The following ACTN2 variants were observed in gnomAD, a reference collection of about 807,000 sequenced individuals.
ACTN2 encodes alpha-actinin-2.
In ACTN2, 39 loss-of-function variants were observed where a neutral mutation model predicts 113.8. The observed-to-expected ratio is 0.34, with a 90% confidence interval of 0.27 to 0.45. The LOEUF is 0.45. Among genes scored for constraint, ACTN2 ranks in the 20% least tolerant of loss-of-function variants. The pLI is 1.00. For missense variants in ACTN2, 992 were observed against 1,177.9 expected, an observed-to-expected ratio of 0.84 and a Z score of 2.31; for synonymous variants, 429 against 444.1, an observed-to-expected ratio of 0.97 and a Z score of 0.43.
intron 7 of ACTN2, among the ~76,000 whole-genome samples, chr1:236,734,008 A>G (rs1366152781): frequency 6.6e-6 from 1 of 152,210 alleles, no homozygotes; most frequent in Non-Finnish European, 1.5e-5. Flanking sequence ...GGTGCAGACT[A>G]GGTTTAGAAC....
chr1:236,695,414 G>GAAA (rs58669150), intron 1 of ACTN2, among the ~76,000 whole-genome samples: 1 of 102,960 alleles, frequency 9.7e-6, no homozygotes, highest in East Asian at 2.7e-4. Context: ...TGCTGTGTCT[G>GAAA]AAAAAAAAAA....
chr1:236,748,609 C>A (rs1478155738), intron 13 of ACTN2, among the ~76,000 whole-genome samples: 3 of 152,292 alleles, frequency 2.0e-5, no homozygotes, highest in Non-Finnish European at 4.4e-5. Flanking sequence ...CCCAGAAAGG[C>A]AAGAGGTGAT....
rs976625687 is a variant in ACTN2, at chr1:236,754,947, G to A, written c.1975-72G>A. On this transcript the variant is annotated intron_variant, in intron 16 of 20. Transcript: ENST00000366578. The surrounding 1 kb of genome is among the most constrained non-coding windows in gnomAD (Gnocchi z 4.9). ...CATCCCATGCAGGGTCTGGAACGGC[G>A]CCTCGTGCCGAGCTCCCTTAGAGGG... 25 of 1,590,090 alleles carry A rather than the reference G, an allele frequency of 1.6e-5. 1 individual carries two copies. Among genetic ancestry groups the A allele is most frequent in the East Asian group, 6.7e-5 (3 of 44,766 alleles).
At chr1:236,694,507 G>A (rs540304064) in intron 1 of ACTN2, among the ~76,000 whole-genome samples, 1 of 152,174 alleles carries the variant, frequency 6.6e-6, no homozygotes, top group South Asian at 2.1e-4. Context: ...ACAGGTGTGA[G>A]CCACCACGCC....
intron 6 of ACTN2, among the ~76,000 whole-genome samples, chr1:236,730,665 T>TA (rs1441259808): frequency 6.6e-6 from 1 of 152,236 alleles, no homozygotes; most frequent in Non-Finnish European, 1.5e-5. Flanking sequence ...AAGGTAAATG[T>TA]AATTTTAAGA....
intron 7 of ACTN2, among the ~76,000 whole-genome samples, chr1:236,733,690 C>G (rs1007264851): frequency 2.0e-5 from 3 of 152,202 alleles, no homozygotes; most frequent in African/African-American, 7.2e-5. Context: ...CCTGTATTCC[C>G]ATGCCTTCTA....
intron 17 of ACTN2, 99 bp downstream of exon 17, chr1:236,755,297 T>C: frequency 2.9e-6 from 4 of 1,389,928 alleles, no homozygotes; most frequent in Non-Finnish European, 3.1e-6. Context: ...TTTGTTCCTG[T>C]TAAGACCTAC....
At chr1:236,699,941 T>G (rs1488439679) in intron 1 of ACTN2, among the ~76,000 whole-genome samples, 1 of 152,166 alleles carries the variant, frequency 6.6e-6, no homozygotes, top group Non-Finnish European at 1.5e-5. Flanking sequence ...AACTGTGAAG[T>G]AGGCTAATGA....
intron 6 of ACTN2, among the ~76,000 whole-genome samples, chr1:236,730,484 G>T (rs1658683927): frequency 6.6e-6 from 1 of 152,014 alleles, no homozygotes; most frequent in Non-Finnish European, 1.5e-5. Flanking sequence ...ATTTCATTTT[G>T]ATTTTTCTAT....
At chr1:236,710,124 G>A (rs1282920400) in intron 1 of ACTN2, among the ~76,000 whole-genome samples, 3 of 152,188 alleles carry the variant, frequency 2.0e-5, no homozygotes, top group African/African-American at 7.2e-5. Context: ...TCGGGTCCCC[G>A]TCTGTGTACC....
chr1:236,759,574 G>T, intron 18 of ACTN2, 150 bp from the exon 19 acceptor site: 1 of 711,630 alleles, frequency 1.4e-6, no homozygotes, highest in Non-Finnish European at 2.6e-6. Context: ...TCCTTGTGCT[G>T]GCTCCATCCT....
Position 236,734,627 on chromosome 1 carries a change from T to C in ACTN2, c.698-1008T>C, listed in dbSNP as rs1658812470. ...CCCTCTCCTCCGAGTAAGGAGACTG[T>C]CTGGTTCCCAGGAGGCAGTTGTTTG... On this transcript the variant is annotated intron_variant, in intron 7 of 20. Transcript: ENST00000366578. 7.9e-6 allele frequency: 6 copies of C among 761,542 alleles called. No individual in the cohort carries two copies. The Admixed American group carries it at 1.5e-4, about 19-fold the overall frequency. 47.2% of individuals were successfully genotyped at this position (761,542 alleles called of 1,614,324 possible). A position where few individuals can be genotyped will look rare whatever the true frequency, so the allele number is the denominator to read the frequency against.
chr1:236,686,528 C>A lies in ACTN2; in HGVS notation c.-146C>A. 1 of 949,568 alleles carries A rather than the reference C, an allele frequency of 1.1e-6. No homozygotes were observed. The highest frequency in any genetic ancestry group is 1.4e-6 in the Non-Finnish European group (1 of 724,108). The allele number at this position is 949,568 out of a possible 1,614,324, so 58.8% of individuals were successfully genotyped here. A position where few individuals can be genotyped will look rare whatever the true frequency, so the allele number is the denominator to read the frequency against. On this transcript the variant is annotated 5_prime_UTR_variant, in exon 1 of 21. Transcript: ENST00000366578. ...CTGGTGCTTCGCCCGAGACCCAGCGCCCAGGCGTGTCGCCCCGAGAGGAGC... is the reference window on the plus strand; with the variant it reads ...CTGGTGCTTCGCCCGAGACCCAGCGACCAGGCGTGTCGCCCCGAGAGGAGC...
intron 4 of ACTN2, among the ~76,000 whole-genome samples, chr1:236,723,916 G>A (rs1029058356): frequency 6.6e-6 from 1 of 152,204 alleles, no homozygotes; most frequent in Non-Finnish European, 1.5e-5. Flanking sequence ...GGAATCCTAA[G>A]TTATATAAGT....
chr1:236,710,386 T>C (rs1392844929), intron 1 of ACTN2, among the ~76,000 whole-genome samples: 1 of 152,368 alleles, frequency 6.6e-6, no homozygotes, highest in East Asian at 1.9e-4. Context: ...GTTAAGCACA[T>C]TGTGCTGATT....
At chr1:236,720,237 G>A (rs776226320) in intron 4 of ACTN2, 46 bp downstream of exon 4, 1 of 1,446,590 alleles carries the variant, frequency 6.9e-7, no homozygotes, top group Admixed American at 1.7e-5. Context: ...TGTAAATTGA[G>A]CTTGTGAATT....
At chr1:236,749,076 A>G in intron 13 of ACTN2, 48 bp from the exon 14 acceptor site, 2 of 1,607,766 alleles carry the variant, frequency 1.2e-6, no homozygotes, top group South Asian at 2.2e-5. Context: ...ACTTTCAGTG[A>G]ATTTTTTAAT....
Position 236,737,663 on chromosome 1 carries a change from C to T in ACTN2, c.876+449C>T, listed in dbSNP as rs544965473. On this transcript the variant is annotated intron_variant, in intron 9 of 20. Coordinates refer to ENST00000366578, the MANE Select transcript of ACTN2 (RefSeq NM_001103.4). ...AAAGGAACTGGCCCAGCCTGGTGTG[C>T]GGAGCTGGCTCGGGCTCGTGTGTCT... Among the ~76,000 whole-genome samples the T allele has an allele frequency of 2.0e-3, 302 of 151,876 alleles. 1 individual carries two copies. Among genetic ancestry groups the T allele is most frequent in the African/African-American group, 6.9e-3 (285 of 41,434 alleles).
chr1:236,733,037 T>C (rs1192240605), intron 7 of ACTN2, among the ~76,000 whole-genome samples: 1 of 152,234 alleles, frequency 6.6e-6, no homozygotes, highest in African/African-American at 2.4e-5. Flanking sequence ...ATTCTACTTA[T>C]AGTTTCTCTA....
Sources: allele counts gnomAD v4.1 joint callset (sites outside exome capture counted in the v4.1 genomes callset), GRCh38; gene constraint gnomAD v4.1.1; non-coding constraint Gnocchi (gnomAD v3.1); transcripts MANE v1.5; gene names NCBI Gene and HGNC (gene_info 2026-07-23, HGNC 2026-07-21).